XKR4: variants seen among roughly 807,000 people sequenced by gnomAD.
XKR4 encodes the protein XK related 4.
XKR4 carries 12 observed loss-of-function variants against 53.9 expected under a neutral mutation model. The ratio of observed to expected loss-of-function variants is 0.22; its 90% CI spans 0.14 to 0.36. The LOEUF is 0.36. Ranked by LOEUF, XKR4 falls within the 10% of genes least tolerant of loss-of-function variation. The pLI is 1.00. For missense variants in XKR4, 799 were observed against 859.5 expected, an observed-to-expected ratio of 0.93 and a Z score of 0.88; for synonymous variants, 354 against 362.4, an observed-to-expected ratio of 0.98 and a Z score of 0.26.
At chr8:55,475,442 G>A (rs1243380815) in intron 2 of XKR4, among the ~76,000 whole-genome samples, 1 of 151,890 alleles carries the variant, frequency 6.6e-6, no homozygotes, top group Non-Finnish European at 1.5e-5. Context: ...GATGGGGGAA[G>A]GTCTTGCTCT....
chr8:55,171,243 C>A (rs547467830), intron 1 of XKR4, among the ~76,000 whole-genome samples: 13 of 152,228 alleles, frequency 8.5e-5, no homozygotes, highest in African/African-American at 3.1e-4. Context: ...GGTGTTAATG[C>A]TGACATTGTA....
chr8:55,281,274 A>T (rs1051160330), intron 1 of XKR4, among the ~76,000 whole-genome samples: 5 of 152,178 alleles, frequency 3.3e-5, no homozygotes, highest in African/African-American at 1.2e-4. Context: ...TTAAATAATG[A>T]TCCTCTGACC....
chr8:55,519,097 G>A (rs984078540), intron 2 of XKR4, among the ~76,000 whole-genome samples: 5 of 152,152 alleles, frequency 3.3e-5, no homozygotes, highest in Non-Finnish European at 5.9e-5. Context: ...ATAAATGGGA[G>A]GCAGGAGAGA....
At chr8:55,218,709 A>G (rs1817837604) in intron 1 of XKR4, among the ~76,000 whole-genome samples, 1 of 152,246 alleles carries the variant, frequency 6.6e-6, no homozygotes. Flanking sequence ...TTCAGTCACA[A>G]GGCACCTTTA....
intron 1 of XKR4, among the ~76,000 whole-genome samples, chr8:55,153,430 G>A (rs1020295578): frequency 2.6e-5 from 4 of 152,092 alleles, no homozygotes; most frequent in South Asian, 2.1e-4. Flanking sequence ...TGTGACCTTC[G>A]AAGAACATAT....
At chr8:55,441,584 T>C (rs1373191728) in intron 2 of XKR4, among the ~76,000 whole-genome samples, 1 of 152,228 alleles carries the variant, frequency 6.6e-6, no homozygotes, top group Non-Finnish European at 1.5e-5. Flanking sequence ...GGATCATTTA[T>C]GACAACAGAC....
intron 1 of XKR4, chr8:55,135,162 A>G (rs146673642): frequency 6.4e-6 from 1 of 155,078 alleles, no homozygotes; most frequent in East Asian, 1.8e-4. Flanking sequence ...ACACACATAC[A>G]TGGCTTGAAA....
At chr8:55,369,913 A>G (rs1438690514) in intron 2 of XKR4, among the ~76,000 whole-genome samples, 1 of 152,182 alleles carries the variant, frequency 6.6e-6, no homozygotes, top group Non-Finnish European at 1.5e-5. Context: ...ACTAAATCTC[A>G]GCTAGCTTCA....
intron 2 of XKR4, among the ~76,000 whole-genome samples, chr8:55,462,063 C>G (rs1805666904): frequency 6.6e-6 from 1 of 152,160 alleles, no homozygotes; most frequent in South Asian, 2.1e-4. Flanking sequence ...GAATATTATC[C>G]AGGAGAACTT....
At chr8:55,347,157 G>A (rs1397005892) in intron 1 of XKR4, among the ~76,000 whole-genome samples, 1 of 152,190 alleles carries the variant, frequency 6.6e-6, no homozygotes, top group East Asian at 1.9e-4. Flanking sequence ...CATACCAGAT[G>A]TTTGAGATTT....
At chr8:55,426,077 G>T (rs1805009091) in intron 2 of XKR4, among the ~76,000 whole-genome samples, 1 of 152,158 alleles carries the variant, frequency 6.6e-6, no homozygotes, top group South Asian at 2.1e-4. Context: ...ATAAATGGGT[G>T]ACTGGAGCTA....
chr8:55,124,340 T>G (rs1159434236), intron 1 of XKR4, among the ~76,000 whole-genome samples: 1 of 152,192 alleles, frequency 6.6e-6, no homozygotes, highest in African/African-American at 2.4e-5. Flanking sequence ...CTCCCCAGCC[T>G]CTGGTTCATA....
chr8:55,173,752 T>C (rs1817194218), intron 1 of XKR4, among the ~76,000 whole-genome samples: 1 of 152,174 alleles, frequency 6.6e-6, no homozygotes, highest in Admixed American at 6.5e-5. Context: ...GCAAATGCTG[T>C]CCTACACTGC....
chr8:55,394,936 C>A (rs1282703348), intron 2 of XKR4, among the ~76,000 whole-genome samples: 1 of 152,160 alleles, frequency 6.6e-6, no homozygotes, highest in African/African-American at 2.4e-5. Flanking sequence ...ATCAGCTAGG[C>A]TTTCCAGCAG....
chr8:55,227,413 C>G (rs988887721), intron 1 of XKR4, among the ~76,000 whole-genome samples: 2 of 152,176 alleles, frequency 1.3e-5, no homozygotes, highest in Non-Finnish European at 2.9e-5. Context: ...TGCTCACTAC[C>G]CTCCCAATGA....
At chr8:55,424,422 T>TA (rs1271547005) in intron 2 of XKR4, among the ~76,000 whole-genome samples, 2 of 152,218 alleles carry the variant, frequency 1.3e-5, no homozygotes, top group African/African-American at 4.8e-5. Context: ...TATCAGTTGG[T>TA]ACTATCATTA....
chr8:55,497,030 A>G (rs1487713265), intron 2 of XKR4, among the ~76,000 whole-genome samples: 1 of 152,236 alleles, frequency 6.6e-6, no homozygotes, highest in Non-Finnish European at 1.5e-5. Context: ...AATGTCCGGT[A>G]AATACATCCA....
chr8:55,239,226 G>T (rs935475161), intron 1 of XKR4, among the ~76,000 whole-genome samples: 1 of 152,196 alleles, frequency 6.6e-6, no homozygotes, highest in African/African-American at 2.4e-5. Context: ...TCACCATTCT[G>T]TGTTAGGTAG....
At chr8:55,297,078 GACT>G (rs147709340) in intron 1 of XKR4, among the ~76,000 whole-genome samples, 3,583 of 152,286 alleles carry the variant, frequency 0.024, 143 homozygotes, top group African/African-American at 0.079. Flanking sequence ...TTCTGTGCTA[GACT>G]ACATTCCAGA....
Sources: gnomAD v4.1 joint callset for allele counts (sites outside exome capture counted in the v4.1 genomes callset) on GRCh38, gnomAD v4.1.1 for gene constraint, MANE v1.5 for transcripts, NCBI Gene and HGNC (gene_info 2026-07-23, HGNC 2026-07-21) for gene names.